SRGAP3: variants seen among roughly 807,000 people sequenced by gnomAD.
SRGAP3 encodes the protein SLIT-ROBO Rho GTPase activating protein 3.
A neutral mutation model predicts 121.1 loss-of-function variants in SRGAP3; 39 were observed. The observed-to-expected ratio is 0.32, with a 90% CI of 0.25 to 0.42. The LOEUF is 0.42. Among genes scored for constraint, SRGAP3 ranks in the 10% least tolerant of loss-of-function variants. The pLI is 1.00. For missense variants in SRGAP3, 1,213 were observed against 1,470.6 expected, an observed-to-expected ratio of 0.82 and a Z score of 2.86; for synonymous variants, 601 against 570.0, an observed-to-expected ratio of 1.05 and a Z score of -0.77.
At chr3:9,064,336 C>A in intron 5 of SRGAP3, 60 bp downstream of exon 5, 1 of 1,610,666 alleles carries the variant, frequency 6.2e-7, no homozygotes, top group Non-Finnish European at 8.5e-7. Flanking sequence ...TCCGCCAAGA[C>A]CATGGCCCTC....
In SRGAP3 at chr3:9,013,520, G is replaced by A. The variant is rs757163987; in HGVS notation, c.1935C>T (p.Ser645=). 45 of 1,613,940 alleles carry A rather than the reference G, an allele frequency of 2.8e-5. No individual in the cohort carries two copies. Among genetic ancestry groups the A allele is most frequent in the Middle Eastern group, 1.6e-4 (1 of 6,076 alleles). ...FAFLNHLSQY[S]DENMMDPYNL... is the part of the protein sequence containing the mutation. Reference sequence around the variant, plus strand: ...TGTAGGGATCCATCATGTTCTCGTCGCTATACTGGGAGAGGCTAGGAGAGA... The same window carrying A: ...TGTAGGGATCCATCATGTTCTCGTCACTATACTGGGAGAGGCTAGGAGAGA... Residue 645 remains serine, a synonymous_variant, in exon 17 of 22, where the codon AGC becomes AGT. Transcript: ENST00000383836.
chr3:9,076,479 T>C (rs1006238342), intron 4 of SRGAP3, among the ~76,000 whole-genome samples: 2 of 152,158 alleles, frequency 1.3e-5, no homozygotes, highest in African/African-American at 2.4e-5. Flanking sequence ...TTAATTGATT[T>C]GGCCAAGCTC....
chr3:9,017,044 C>G (rs528655578), intron 14 of SRGAP3, among the ~76,000 whole-genome samples: 1 of 152,118 alleles, frequency 6.6e-6, no homozygotes, highest in Non-Finnish European at 1.5e-5. Context: ...AAAAAATCCC[C>G]AATTACTTTT....
chr3:9,344,875 A>T (rs1955856823), intron 1 of SRGAP3, among the ~76,000 whole-genome samples: 2 of 152,024 alleles, frequency 1.3e-5, no homozygotes, highest in Non-Finnish European at 2.9e-5. Context: ...TGTCTCTACT[A>T]AAAATACAAA....
intron 2 of SRGAP3, among the ~76,000 whole-genome samples, chr3:9,119,206 T>G (rs891064166): frequency 1.3e-5 from 2 of 152,120 alleles, no homozygotes; most frequent in Non-Finnish European, 2.9e-5. Context: ...ACAGGAGACA[T>G]CCTTGTTGCC....
Position 9,010,323 on chromosome 3 carries a change from G to A in SRGAP3, c.2212C>T (p.His738Tyr). ...EVDHDNGTEP[H>Y]TSDEEVEQIE... ...CCTCACTCACCTTCATCGCTGGTAT[G>A]AGGCTCAGTGCCATTGTCATGGTCA... Residue 738 changes from histidine to tyrosine, a missense_variant, in exon 18 of 22, where the codon CAT becomes TAT. Transcript: ENST00000383836. The A allele has an allele frequency of 6.2e-7, 1 of 1,614,154 alleles. No homozygotes were observed. Among genetic ancestry groups the A allele is most frequent in the Non-Finnish European group, 8.5e-7 (1 of 1,180,000 alleles).
intron 17 of SRGAP3, 101 bp from the exon 18 acceptor site, chr3:9,010,488 G>A (rs1337088448): frequency 6.2e-6 from 8 of 1,288,330 alleles, no homozygotes; most frequent in South Asian, 2.4e-5. Flanking sequence ...GGGCCCTCCC[G>A]CAGCTCAGAT....
At chr3:8,986,897 G>A (rs950532103) in intron 21 of SRGAP3, among the ~76,000 whole-genome samples, 2 of 152,156 alleles carry the variant, frequency 1.3e-5, no homozygotes, top group Non-Finnish European at 1.5e-5. Context: ...AGGGCAGCCC[G>A]GGCTCACCAT....
intron 3 of SRGAP3, among the ~76,000 whole-genome samples, chr3:9,286,986 C>CT (rs36096507): frequency 0.071 from 5,605 of 79,076 alleles, 840 homozygotes; most frequent in African/African-American, 0.14. Flanking sequence ...CACTGACACT[C>CT]TTTTTTTTTT....
Position 9,171,489 on chromosome 3 carries a change from A to G in SRGAP3, c.68-46572T>C, listed in dbSNP as rs77204670. 6.6e-3 allele frequency among the ~76,000 whole-genome samples: 1,005 copies of G among 152,288 alleles called. 10 individuals carry two copies. Among genetic ancestry groups the G allele is most frequent in the African/African-American group, 0.023 (963 of 41,556 alleles). On this transcript the variant is annotated intron_variant, in intron 1 of 21. Transcript: ENST00000383836. ...TAAATGAGAAGGACTTTTTTTGTGA[A>G]CTGAAGCCCTATAAAAATAAGTGGG...
At chr3:9,112,853 T>TG (rs1948678419) in intron 2 of SRGAP3, among the ~76,000 whole-genome samples, 1 of 152,242 alleles carries the variant, frequency 6.6e-6, no homozygotes. Flanking sequence ...TACTCATCAG[T>TG]GCTTCTCTGG....
At chr3:9,023,114 C>T (rs1231063437) in intron 14 of SRGAP3, among the ~76,000 whole-genome samples, 2 of 152,078 alleles carry the variant, frequency 1.3e-5, no homozygotes, top group Non-Finnish European at 2.9e-5. Flanking sequence ...CAGGGAAATG[C>T]CAGGCAAAGT....
In SRGAP3 at chr3:9,003,293, T is replaced by C. The variant is rs551994306; in HGVS notation, c.2227+7015A>G. Among the ~76,000 whole-genome samples the C allele has an allele frequency of 3.3e-5, 5 of 152,148 alleles. No homozygotes were observed. In the East Asian group the frequency reaches 7.7e-4, roughly 24 times the overall value. ...TCAGGAGTTTGAGATCAGCCTGCAATATGGCAAAATCCTGTCTCTACTGAA... is the reference window on the plus strand; with the variant it reads ...TCAGGAGTTTGAGATCAGCCTGCAACATGGCAAAATCCTGTCTCTACTGAA... On this transcript the variant is annotated intron_variant, in intron 18 of 21. Coordinates refer to ENST00000383836, the MANE Select transcript of SRGAP3 (RefSeq NM_014850.4).
chr3:9,159,287 T>C (rs1019071517), intron 1 of SRGAP3, among the ~76,000 whole-genome samples: 1 of 129,222 alleles, frequency 7.7e-6, no homozygotes, highest in African/African-American at 2.9e-5. Context: ...ATATGTCCTC[T>C]CGCTTTTCAC....
chr3:9,040,410 A>C (rs918788711), intron 10 of SRGAP3, among the ~76,000 whole-genome samples: 3 of 152,146 alleles, frequency 2.0e-5, no homozygotes, highest in African/African-American at 7.2e-5. Flanking sequence ...GTGGTCCTCA[A>C]GTAGGCGTTT....
chr3:9,098,653 G>A (rs969864875), intron 3 of SRGAP3, among the ~76,000 whole-genome samples: 2 of 152,144 alleles, frequency 1.3e-5, no homozygotes, highest in African/African-American at 2.4e-5. Flanking sequence ...ACCTTTCTTG[G>A]CATCAGTTTC....
At chr3:9,263,226 A>G (rs1352456269) in intron 3 of SRGAP3, among the ~76,000 whole-genome samples, 1 of 152,242 alleles carries the variant, frequency 6.6e-6, no homozygotes, top group Non-Finnish European at 1.5e-5. Flanking sequence ...CAGTGCTTAA[A>G]GGGAAATTTA....
chr3:9,004,130 T>C (rs1019397830), intron 18 of SRGAP3, among the ~76,000 whole-genome samples: 2 of 151,856 alleles, frequency 1.3e-5, no homozygotes, highest in Non-Finnish European at 2.9e-5. Context: ...AAGGAAACAA[T>C]TTCACTTACA....
intron 3 of SRGAP3, among the ~76,000 whole-genome samples, chr3:9,300,046 C>T (rs1320010432): frequency 2.0e-5 from 3 of 150,446 alleles, no homozygotes; most frequent in African/African-American, 7.4e-5. Context: ...AATGATAGCA[C>T]CTTCCTCAAA....
Sources: gnomAD v4.1 joint callset for allele counts (sites outside exome capture counted in the v4.1 genomes callset) on GRCh38, gnomAD v4.1.1 for gene constraint, MANE v1.5 for transcripts, NCBI Gene and HGNC (gene_info 2026-07-23, HGNC 2026-07-21) for gene names.